SPTLC3: variants seen among roughly 807,000 people sequenced by gnomAD.
SPTLC3 encodes serine palmitoyltransferase 3.
SPTLC3 carries 36 observed loss-of-function variants against 59.3 expected under a neutral mutation model. The ratio of observed to expected loss-of-function variants is 0.61; its 90% confidence interval spans 0.47 to 0.80. The LOEUF (loss-of-function observed/expected upper bound fraction) is 0.80, where lower values mean the gene tolerates loss of function less well. Among genes scored for constraint, SPTLC3 ranks in the 30% least tolerant of loss-of-function variants. The pLI, the probability that SPTLC3 is intolerant of heterozygous loss-of-function variation, is 0.00. For synonymous variants in SPTLC3, 257 were observed against 240.8 expected (o/e 1.07, Z -0.62); for missense variants, 625 against 685.1 (o/e 0.91, Z 0.98).
intron 6 of SPTLC3, among the ~76,000 whole-genome samples, chr20:13,105,078 C>A (rs1295630421): frequency 6.6e-6 from 1 of 152,134 alleles, no homozygotes; most frequent in Non-Finnish European, 1.5e-5. Context: ...GCCTACAGAA[C>A]ATAAATCACA....
chr20:13,031,057 A>G (rs1341645236), intron 1 of SPTLC3, among the ~76,000 whole-genome samples: 2 of 151,972 alleles, frequency 1.3e-5, no homozygotes, highest in Non-Finnish European at 2.9e-5. Flanking sequence ...CAACTACTCA[A>G]CTCTGCCACT....
At position 13,090,457 on chromosome 20, in the gene SPTLC3, A is replaced by G. The variant is rs193206092; in HGVS notation, c.608-626A>G. Reference sequence around the variant, plus strand: ...ATCTGTTTTGCATTTAGGTGTGGGAAAACTCTGATGGGGTTATAATTTAAT... The same window carrying G: ...ATCTGTTTTGCATTTAGGTGTGGGAGAACTCTGATGGGGTTATAATTTAAT... On this transcript the variant is annotated intron_variant, in intron 4 of 11. Transcript: ENST00000399002. Among the ~76,000 whole-genome samples the G allele has an allele frequency of 2.0e-4, 30 of 152,292 alleles. 1 individual carries two copies. Among genetic ancestry groups the G allele is most frequent in the Admixed American group, 2.0e-3 (30 of 15,294 alleles).
At chr20:13,124,569 G>A (rs530578976) in intron 8 of SPTLC3, among the ~76,000 whole-genome samples, 96 of 152,208 alleles carry the variant, frequency 6.3e-4, no homozygotes, top group African/African-American at 1.8e-3. Context: ...GAAGAAGGAC[G>A]GGTGAAAGGG....
At chr20:13,117,101 A>G (rs1410134708) in intron 7 of SPTLC3, among the ~76,000 whole-genome samples, 1 of 152,202 alleles carries the variant, frequency 6.6e-6, no homozygotes, top group Non-Finnish European at 1.5e-5. Flanking sequence ...AGTCAAACAG[A>G]CCTGGCCAAA....
chr20:13,117,179 G>A (rs545762920), intron 7 of SPTLC3, among the ~76,000 whole-genome samples: 1 of 152,320 alleles, frequency 6.6e-6, no homozygotes, highest in South Asian at 2.1e-4. Context: ...AGAATATCTA[G>A]AATCCAGAAT....
At chr20:13,151,245 C>T (rs1225775080) in intron 9 of SPTLC3, among the ~76,000 whole-genome samples, 1 of 152,212 alleles carries the variant, frequency 6.6e-6, no homozygotes, top group Non-Finnish European at 1.5e-5. Flanking sequence ...TTACTACCAT[C>T]CTCTCTAAAT....
At chr20:13,057,276 A>G (rs531957954) in intron 2 of SPTLC3, among the ~76,000 whole-genome samples, 1 of 152,300 alleles carries the variant, frequency 6.6e-6, no homozygotes, top group African/African-American at 2.4e-5. Flanking sequence ...GCAAAATGAC[A>G]CCAGAAAAGA....
intron 1 of SPTLC3, among the ~76,000 whole-genome samples, chr20:13,020,572 T>A (rs974149619): frequency 6.6e-6 from 1 of 152,136 alleles, no homozygotes; most frequent in African/African-American, 2.4e-5. Flanking sequence ...TATTACATAA[T>A]ATATTAATAT....
Position 13,075,705 on chromosome 20 carries a change from T to G in SPTLC3, c.607+1208T>G, listed in dbSNP as rs143439665. 4.1e-3 allele frequency among the ~76,000 whole-genome samples: 624 copies of G among 152,252 alleles called. 6 individuals are homozygous for G. Among genetic ancestry groups the G allele is most frequent in the African/African-American group, 0.014 (602 of 41,540 alleles). ...CCCCATTTGGAGATGGGGCAGAGAC[T>G]GGAGGAGTACCCCCAGCCATAAGGA... On this transcript the variant is annotated intron_variant, in intron 4 of 11. Transcript: ENST00000399002.
chr20:13,093,599 C>T, intron 6 of SPTLC3, 22 bp downstream of exon 6: 1 of 1,598,560 alleles, frequency 6.3e-7, no homozygotes, highest in Non-Finnish European at 8.6e-7. Context: ...TGTATTTTCT[C>T]AACATGTACT....
chr20:13,134,223 G>A (rs113948876), intron 9 of SPTLC3, among the ~76,000 whole-genome samples: 31 of 152,144 alleles, frequency 2.0e-4, no homozygotes, highest in Admixed American at 1.1e-3. Context: ...CAGTTATGTC[G>A]TGATGCAGAT....
At chr20:13,145,614 C>T (rs2038491422) in intron 9 of SPTLC3, among the ~76,000 whole-genome samples, 1 of 152,060 alleles carries the variant, frequency 6.6e-6, no homozygotes, top group Non-Finnish European at 1.5e-5. Context: ...CAATGACATT[C>T]TTTACAAAAC....
At chr20:13,053,199 C>T (rs557314312) in intron 2 of SPTLC3, among the ~76,000 whole-genome samples, 23 of 152,266 alleles carry the variant, frequency 1.5e-4, no homozygotes, top group Middle Eastern at 3.4e-3. Flanking sequence ...GAGGAAGGAA[C>T]AGGCAGAATA....
intron 7 of SPTLC3, 51 bp from the exon 8 acceptor site, chr20:13,117,455 G>A (rs771458664): frequency 1.3e-6 from 2 of 1,495,646 alleles, no homozygotes; most frequent in Non-Finnish European, 1.8e-6. Context: ...AACTGACAGA[G>A]CTTCCCAGGA....
chr20:13,044,522 T>C (rs969140600), intron 1 of SPTLC3, among the ~76,000 whole-genome samples: 1 of 152,232 alleles, frequency 6.6e-6, no homozygotes, highest in Non-Finnish European at 1.5e-5. Flanking sequence ...AAGGAAGCCA[T>C]ATATATCCTT....
chr20:13,160,704 T>C (rs2038878555), intron 11 of SPTLC3, among the ~76,000 whole-genome samples: 1 of 152,232 alleles, frequency 6.6e-6, no homozygotes, highest in Non-Finnish European at 1.5e-5. Flanking sequence ...ATAACATAAA[T>C]GCAGTTTTGC....
At chr20:13,011,693 A>G (rs764335366) in intron 1 of SPTLC3, among the ~76,000 whole-genome samples, 1 of 147,408 alleles carries the variant, frequency 6.8e-6, no homozygotes, top group African/African-American at 2.4e-5. Context: ...AACCTTCTAG[A>G]GTTCCTTTCT....
rs57913044 is a variant in SPTLC3, at chr20:13,027,641, G to GCACA, written c.117+18293_117+18296dup. On this transcript the variant is annotated intron_variant, in intron 1 of 11. Coordinates refer to ENST00000399002, the MANE Select transcript of SPTLC3 (RefSeq NM_018327.4). ...GTTCTTCAGTAATCTATTTCAGCAC[G>GCACA]CACACACACACACACACACACACAC... Among the ~76,000 whole-genome samples, 429 of 144,240 alleles carry GCACA rather than the reference G, an allele frequency of 3.0e-3. 2 individuals are homozygous for GCACA. The highest frequency in any genetic ancestry group is 0.012 in the South Asian group (51 of 4,394). 94.6% of individuals were successfully genotyped at this position (144,240 alleles called of 152,430 possible).
Position 13,110,132 on chromosome 20 carries a change from C to T in SPTLC3, c.847C>T (p.Leu283Phe), listed in dbSNP as rs189490985. The change falls in exon 7 of 12, where the codon CTC becomes TTC. Residue 283 changes from leucine (L) to phenylalanine (F), a missense_variant. By Grantham distance (22) the Leu-to-Phe change is conservative (BLOSUM62 0). Transcript: ENST00000399002. Reference protein sequence around the residue: ...KHNNTQSLEKLLRDAVIYGQP... With the variant: ...KHNNTQSLEKFLRDAVIYGQP... Reference sequence around the variant, plus strand: ...TAAAGACACACAAAGCCTAGAGAAGCTCCTGAGAGATGCTGTCATCTATGG... The same window carrying T: ...TAAAGACACACAAAGCCTAGAGAAGTTCCTGAGAGATGCTGTCATCTATGG... 18 of 1,612,844 alleles carry T rather than the reference C, an allele frequency of 1.1e-5. No individual in the cohort carries two copies. In the African/African-American group the frequency reaches 2.0e-4, roughly 18 times the overall value.
Sources: gnomAD v4.1 joint callset for allele counts (sites outside exome capture counted in the v4.1 genomes callset) on GRCh38, gnomAD v4.1.1 for gene constraint, MANE v1.5 for transcripts, NCBI Gene and HGNC (gene_info 2026-07-23, HGNC 2026-07-21) for gene names.